The following TMTC2 variants were observed in gnomAD, a reference collection of about 807,000 sequenced individuals.
TMTC2 encodes the protein protein O-mannosyl-transferase TMTC2.
In TMTC2, 43 loss-of-function variants were observed where a neutral mutation model predicts 82.4. The observed-to-expected ratio is 0.52, with a 90% CI of 0.41 to 0.67. The LOEUF is 0.67. TMTC2 is among the 30% of genes least tolerant of loss of function. TMTC2 has a pLI of 0.00. For synonymous variants in TMTC2, 408 were observed against 381.9 expected (o/e 1.07, Z -0.80); for missense variants, 919 against 1,012.4 (o/e 0.91, Z 1.25).
chr12:83,046,034 C>G (rs1882112421), intron 9 of TMTC2, among the ~76,000 whole-genome samples: 1 of 152,168 alleles, frequency 6.6e-6, no homozygotes, highest in South Asian at 2.1e-4. Flanking sequence ...CCCAAGTGTA[C>G]TTTCCTGCCT....
At chr12:82,798,239 G>A (rs112341217) in intron 1 of TMTC2, among the ~76,000 whole-genome samples, 40,761 of 144,590 alleles carry the variant, frequency 0.28, 5,745 homozygotes, top group Middle Eastern at 0.41. Flanking sequence ...ACAGGCGTGA[G>A]CCACCACGCC....
chr12:82,942,674 A>C (rs940279675), intron 4 of TMTC2, among the ~76,000 whole-genome samples: 4 of 152,190 alleles, frequency 2.6e-5, no homozygotes, highest in African/African-American at 9.7e-5. Flanking sequence ...GCCAAGACAT[A>C]CTATATTCAA....
At chr12:83,039,065 G>A (rs374842407) in intron 9 of TMTC2, among the ~76,000 whole-genome samples, 2 of 151,514 alleles carry the variant, frequency 1.3e-5, no homozygotes, top group East Asian at 2.0e-4. Context: ...CCGAATAGCC[G>A]GTATTATAGG....
At chr12:83,119,367 A>T (rs1309354031) in intron 11 of TMTC2, among the ~76,000 whole-genome samples, 1 of 152,142 alleles carries the variant, frequency 6.6e-6, no homozygotes, top group Non-Finnish European at 1.5e-5. Context: ...AGTTCGAAGA[A>T]TTTTTAAATT....
At chr12:82,928,774 A>G (rs1013792429) in intron 3 of TMTC2, among the ~76,000 whole-genome samples, 3 of 152,146 alleles carry the variant, frequency 2.0e-5, no homozygotes, top group Non-Finnish European at 4.4e-5. Context: ...GTGAGATGAT[A>G]TATGTCAAGT....
chr12:82,779,816 C>T (rs929494188), intron 1 of TMTC2, among the ~76,000 whole-genome samples: 5 of 152,084 alleles, frequency 3.3e-5, no homozygotes, highest in Non-Finnish European at 7.4e-5. Context: ...AGGAGAATTG[C>T]TTGAACCAAG....
intron 3 of TMTC2, among the ~76,000 whole-genome samples, chr12:82,913,359 C>A (rs1402552381): frequency 6.6e-6 from 1 of 152,124 alleles, no homozygotes; most frequent in Admixed American, 6.5e-5. Flanking sequence ...TGGTTCTCAG[C>A]TCATTCTCAC....
chr12:82,857,101 A>G lies in TMTC2; in HGVS notation c.175A>G (p.Ser59Gly), dbSNP rs750194450. 8 of 1,614,078 alleles carry G rather than the reference A, an allele frequency of 5.0e-6. No individual in the cohort carries two copies. Among genetic ancestry groups the G allele is most frequent in the South Asian group, 1.1e-5 (1 of 91,082 alleles). Residue 59 changes from serine (S) to glycine (G), a missense_variant, in exon 2 of 12, where the codon AGT (serine) becomes GGT (glycine). By Grantham distance (56) the Ser-to-Gly change is moderately conservative. Coordinates refer to ENST00000321196, the MANE Select transcript of TMTC2 (RefSeq NM_152588.3). Reference protein sequence around the residue: ...NDFWGTLLTHSGSHKSYRPLC... With the variant: ...NDFWGTLLTHGGSHKSYRPLC... The stretch of plus-strand genomic sequence containing the variant: ...TTTTTGGGGGACTCTTCTAACCCAC[A>G]GTGGCAGCCACAAGTCCTACCGGCC...
intron 4 of TMTC2, among the ~76,000 whole-genome samples, chr12:82,947,011 G>A (rs1207164940): frequency 6.6e-6 from 1 of 151,960 alleles, no homozygotes; most frequent in Non-Finnish European, 1.5e-5. Context: ...CAAAGTGCTG[G>A]GATTACAGAC....
chr12:83,027,101 G>A (rs10862562), intron 8 of TMTC2, among the ~76,000 whole-genome samples: 90,497 of 151,472 alleles, frequency 0.6, 27,422 homozygotes, highest in South Asian at 0.73. Flanking sequence ...GTTTTTCTTC[G>A]TTTCTGAACC....
At chr12:83,089,505 T>A (rs1883769559) in intron 11 of TMTC2, among the ~76,000 whole-genome samples, 1 of 152,190 alleles carries the variant, frequency 6.6e-6, no homozygotes, top group Non-Finnish European at 1.5e-5. Context: ...CATTTTTATA[T>A]TTTTTATGCA....
chr12:82,945,982 A>G (rs1876970558), intron 4 of TMTC2, among the ~76,000 whole-genome samples: 1 of 152,198 alleles, frequency 6.6e-6, no homozygotes, highest in Admixed American at 6.5e-5. Flanking sequence ...ACTAAATAAT[A>G]CATTATTTCT....
chr12:83,033,888 G>GTA (rs59068094), intron 9 of TMTC2, among the ~76,000 whole-genome samples: 97 of 146,528 alleles, frequency 6.6e-4, no homozygotes, highest in East Asian at 9.9e-4. Flanking sequence ...ATATGTGTGT[G>GTA]TATATATATA....
chr12:82,744,198 G>T (rs1875563529), intron 1 of TMTC2, among the ~76,000 whole-genome samples: 1 of 152,200 alleles, frequency 6.6e-6, no homozygotes, highest in South Asian at 2.1e-4. Context: ...GAGGCGGGCG[G>T]ATTGTGAGGT....
At chr12:82,870,231 C>T (rs1007306688) in intron 2 of TMTC2, among the ~76,000 whole-genome samples, 25 of 152,200 alleles carry the variant, frequency 1.6e-4, no homozygotes, top group African/African-American at 6.0e-4. Context: ...TCCCAGGTTC[C>T]TCCTTCCCTC....
intron 4 of TMTC2, among the ~76,000 whole-genome samples, chr12:82,941,711 G>T (rs1229752537): frequency 6.6e-6 from 1 of 152,116 alleles, no homozygotes; most frequent in African/African-American, 2.4e-5. Flanking sequence ...TGAGACCATT[G>T]TTATTGTATA....
intron 11 of TMTC2, among the ~76,000 whole-genome samples, chr12:83,131,778 G>A (rs1006804008): frequency 1.3e-5 from 2 of 152,146 alleles, no homozygotes; most frequent in East Asian, 1.9e-4. Flanking sequence ...TTGCTAAGAA[G>A]AGAAAACAAA....
At position 83,132,086 on chromosome 12, in the gene TMTC2, T is replaced by C. The variant is rs1885273946; in HGVS notation, c.2332-124T>C. ...TATCTGTTTGTATAAATTGCTAAAT[T>C]GCTTTCACAAAATGCCTCTAGACAT... On this transcript the variant is annotated intron_variant, in intron 11 of 11. Coordinates refer to ENST00000321196, the MANE Select transcript of TMTC2 (RefSeq NM_152588.3). 2.6e-6 allele frequency: 3 copies of C among 1,152,682 alleles called. No individual in the cohort carries two copies. In the South Asian group the frequency reaches 5.4e-5, roughly 21 times the overall value. 71.4% of individuals were successfully genotyped at this position (1,152,682 alleles called of 1,614,324 possible). A position where few individuals can be genotyped will look rare whatever the true frequency, so the allele number is the denominator to read the frequency against.
At chr12:82,925,319 T>C (rs907907084) in intron 3 of TMTC2, among the ~76,000 whole-genome samples, 2 of 152,196 alleles carry the variant, frequency 1.3e-5, no homozygotes, top group African/African-American at 4.8e-5. Context: ...TGAACAGTAC[T>C]AAGTGTCCAG....
Sources: gnomAD v4.1 joint callset for allele counts (sites outside exome capture counted in the v4.1 genomes callset) on GRCh38, gnomAD v4.1.1 for gene constraint, MANE v1.5 for transcripts, NCBI Gene and HGNC (gene_info 2026-07-23, HGNC 2026-07-21) for gene names.